ZNF846: variants seen among roughly 807,000 people sequenced by gnomAD.
The protein encoded by ZNF846 is zinc finger protein 846.
In ZNF846, 15 loss-of-function variants were observed where a neutral mutation model predicts 16.0. That is an observed-to-expected ratio of 0.94 (90% confidence interval 0.63 to 1.45). ZNF846 has a LOEUF of 1.45. ZNF846 is among the 40% of genes most tolerant of loss of function. The pLI is 0.00. For synonymous variants in ZNF846, 229 were observed against 212.0 expected (o/e 1.08, Z -0.70); for missense variants, 714 against 622.3 (o/e 1.15, Z -1.57).
chr19:9,783,047 C>G (rs935376151), intron 1 of ZNF846, among the ~76,000 whole-genome samples: 2 of 151,444 alleles, frequency 1.3e-5, no homozygotes, highest in Admixed American at 1.3e-4. Flanking sequence ...TCAACCTCCC[C>G]AGTAGCAGGG....
intron 1 of ZNF846, among the ~76,000 whole-genome samples, chr19:9,766,923 T>G (rs540854053): frequency 6.6e-6 from 1 of 150,962 alleles, no homozygotes; most frequent in South Asian, 2.1e-4. Context: ...AAAAGTGTTC[T>G]CTTCAGCAAT....
At chr19:9,778,102 G>T (rs1256132656) in intron 1 of ZNF846, among the ~76,000 whole-genome samples, 2 of 152,054 alleles carry the variant, frequency 1.3e-5, no homozygotes, top group East Asian at 3.8e-4. Flanking sequence ...CCCTGGAAGA[G>T]ACCTAATGGT....
chr19:9,773,871 T>C (rs1424693165), intron 1 of ZNF846, among the ~76,000 whole-genome samples: 1 of 152,202 alleles, frequency 6.6e-6, no homozygotes, highest in Non-Finnish European at 1.5e-5. Flanking sequence ...TGATATTATA[T>C]ATGGAAAGCC....
At chr19:9,750,029 G>T (rs1455778607), downstream of ZNF846, among the ~76,000 whole-genome samples, 1 of 151,696 alleles carries the variant, frequency 6.6e-6, no homozygotes, top group Non-Finnish European at 1.5e-5. Context: ...ACAGCCTACT[G>T]GAATCCCTTT....
At chr19:9,764,873 G>C in intron 2 of ZNF846, 63 bp downstream of exon 2, 1 of 1,588,658 alleles carries the variant, frequency 6.3e-7, no homozygotes, top group Non-Finnish European at 8.6e-7. Context: ...ACGATAACAA[G>C]GTAAGGCTAC....
At chr19:9,776,518 C>T (rs938602912) in intron 1 of ZNF846, among the ~76,000 whole-genome samples, 1 of 152,266 alleles carries the variant, frequency 6.6e-6, no homozygotes, top group African/African-American at 2.4e-5. Flanking sequence ...CCAGTGGACA[C>T]GTGACCCACG....
chr19:9,748,708 A>G (rs1268140879), downstream of ZNF846, among the ~76,000 whole-genome samples: 1 of 152,200 alleles, frequency 6.6e-6, no homozygotes, highest in Non-Finnish European at 1.5e-5. Flanking sequence ...CCTTCAACTT[A>G]AAAAAGACTG....
exon 6 of ZNF846, chr19:9,757,839 A>G: frequency 6.2e-7 from 1 of 1,613,086 alleles, no homozygotes; most frequent in Non-Finnish European, 8.5e-7. Flanking sequence ...GTGAATCCTT[A>G]CATGTTGACT....
At chr19:9,766,745 C>A (rs527832578) in intron 1 of ZNF846, among the ~76,000 whole-genome samples, 425 of 150,862 alleles carry the variant, frequency 2.8e-3, no homozygotes, top group African/African-American at 0.01. Flanking sequence ...ACTAAAAATA[C>A]AAAAATTAGC....
In ZNF846 at chr19:9,758,382, C is replaced by T. The variant is rs368117869; in HGVS notation, c.695G>A (p.Gly232Glu). ...GTGTGAGGAATTACTGAAGGCTTTC[C>T]CACATTCCTTACATACATAGTGTTT... The change falls in exon 6 of 6, where the codon GGG becomes GAG. Residue 232 changes from glycine (G) to glutamate (E), a missense_variant. By Grantham distance (98) the Gly-to-Glu change is moderately conservative (BLOSUM62 -2). Coordinates refer to ENST00000397902, the Ensembl canonical transcript of ZNF846. 12 of 1,613,200 alleles carry T rather than the reference C, an allele frequency of 7.4e-6. 1 individual carries two copies. Among genetic ancestry groups the T allele is most frequent in the African/African-American group, 2.7e-5 (2 of 74,558 alleles).
chr19:9,758,681 G>A (rs746138025), exon 6 of ZNF846: 1 of 1,612,268 alleles, frequency 6.2e-7, no homozygotes, highest in South Asian at 1.1e-5. Context: ...GAGTTATCAT[G>A]TGAGTCATAA....
upstream of ZNF846, chr19:9,768,695 T>C (rs2045359868): frequency 6.6e-6 from 1 of 152,282 alleles, no homozygotes. Context: ...CTGGCTGAGG[T>C]GAAAACCCAG....
At chr19:9,752,486 A>C (rs1489356736), downstream of ZNF846, 1 of 382,644 alleles carries the variant, frequency 2.6e-6, no homozygotes, top group Non-Finnish European at 5.3e-6. Context: ...TTGGTGGTGC[A>C]TGCCTGTGAT....
chr19:9,757,982 C>A (rs775786219), exon 6 of ZNF846: 5 of 1,613,272 alleles, frequency 3.1e-6, no homozygotes, highest in Non-Finnish European at 4.2e-6. Flanking sequence ...TACATAAATA[C>A]AGCTTCTCTC....
chr19:9,771,935 T>C (rs538292929), upstream of ZNF846, among the ~76,000 whole-genome samples: 1 of 152,106 alleles, frequency 6.6e-6, no homozygotes, highest in South Asian at 2.1e-4. Flanking sequence ...GCCCAGCTAA[T>C]TTTTGTATTT....
chr19:9,755,215 C>T (rs1419599590), downstream of ZNF846, among the ~76,000 whole-genome samples: 1 of 151,514 alleles, frequency 6.6e-6, no homozygotes, highest in Non-Finnish European at 1.5e-5. Flanking sequence ...CCAGTCCTCA[C>T]TCCTCCCACA....
upstream of ZNF846, among the ~76,000 whole-genome samples, chr19:9,772,492 T>TA (rs961335467): frequency 6.0e-5 from 9 of 151,220 alleles, no homozygotes; most frequent in Non-Finnish European, 1.3e-4. Flanking sequence ...CACAGCTACT[T>TA]AGGAGGCTGA....
intron 2 of ZNF846, among the ~76,000 whole-genome samples, chr19:9,763,921 T>C (rs184278850): frequency 6.6e-6 from 1 of 152,332 alleles, no homozygotes; most frequent in East Asian, 1.9e-4. Context: ...GAAATGCTCC[T>C]GATTACTGTA....
chr19:9,772,089 T>C (rs538645892), upstream of ZNF846, among the ~76,000 whole-genome samples: 1 of 152,142 alleles, frequency 6.6e-6, no homozygotes, highest in Non-Finnish European at 1.5e-5. Flanking sequence ...TTTAAGACTA[T>C]GTCCCATTCA....
Sources: allele counts gnomAD v4.1 joint callset (sites outside exome capture counted in the v4.1 genomes callset), GRCh38; gene constraint gnomAD v4.1.1; transcripts MANE v1.5; gene names NCBI Gene and HGNC (gene_info 2026-07-23, HGNC 2026-07-21).